ANKS4B: variants seen among roughly 807,000 people sequenced by gnomAD.
ANKS4B encodes the protein ankyrin repeat and sterile alpha motif domain containing 4B.
Under a neutral mutation model 20.2 loss-of-function variants are expected in ANKS4B, and 21 were observed. That is an observed-to-expected ratio of 1.04 (90% CI 0.74 to 1.50). The LOEUF is 1.50. ANKS4B is among the 40% of genes most tolerant of loss of function. The pLI, the probability that ANKS4B is intolerant of heterozygous loss-of-function variation, is 0.00. For synonymous variants in ANKS4B, 179 were observed against 194.5 expected, an observed-to-expected ratio of 0.92 and a Z score of 0.66; for missense variants, 473 against 494.6, an observed-to-expected ratio of 0.96 and a Z score of 0.41.
chr16:21,238,532 A>G (rs1279423077), intron 1 of ANKS4B, among the ~76,000 whole-genome samples: 1 of 152,072 alleles, frequency 6.6e-6, no homozygotes, highest in Admixed American at 6.6e-5. Flanking sequence ...GTGTGATTCT[A>G]ACTTTGAGGT....
chr16:21,250,947 TGAGA>T lies in ANKS4B; in HGVS notation c.*134_*137del, dbSNP rs1567228052. 8.8e-6 allele frequency: 12 copies of T among 1,357,624 alleles called. No homozygotes were observed. The highest frequency in any genetic ancestry group is 2.5e-5 in the Admixed American group (1 of 40,602). The allele number at this position is 1,357,624 out of a possible 1,614,324, so 84.1% of individuals were successfully genotyped here. On this transcript the variant is annotated 3_prime_UTR_variant, in exon 2 of 2. Coordinates refer to ENST00000311620, the MANE Select transcript of ANKS4B (RefSeq NM_145865.3). ...TTCTAGGGCATCGGAAATGCCTACC[TGAGA>T]GAGAGACCCAAACTTTACTCTGGGA...
At chr16:21,237,398 A>G (rs1356071819) in intron 1 of ANKS4B, among the ~76,000 whole-genome samples, 1 of 152,208 alleles carries the variant, frequency 6.6e-6, no homozygotes, top group Admixed American at 6.5e-5. Flanking sequence ...TTGTACTGCT[A>G]TAACAAAATA....
At chr16:21,243,540 T>A (rs758158236) in intron 1 of ANKS4B, among the ~76,000 whole-genome samples, 21 of 152,188 alleles carry the variant, frequency 1.4e-4, no homozygotes, top group Non-Finnish European at 2.8e-4. Flanking sequence ...TGGAAATGTG[T>A]CTGTAAGTAG....
chr16:21,235,245 A>G (rs1056812891), intron 1 of ANKS4B, among the ~76,000 whole-genome samples: 5 of 152,236 alleles, frequency 3.3e-5, no homozygotes, highest in African/African-American at 1.2e-4. Context: ...AGGGGAAAGC[A>G]TTTAAGCTGG....
chr16:21,249,838 T>C lies in ANKS4B; in HGVS notation c.272T>C (p.Ile91Thr), dbSNP rs1567227506. ...VSFLVNFGAN[I>T]FALDNDLQTP... Reference sequence around the variant, plus strand: ...TTCCTGGTCAACTTTGGTGCCAACATCTTTGCCCTGGATAATGACTTACAG... The same window carrying C: ...TTCCTGGTCAACTTTGGTGCCAACACCTTTGCCCTGGATAATGACTTACAG... The change falls in exon 2 of 2, where the codon ATC (isoleucine) becomes ACC (threonine). Residue 91 changes from isoleucine (I) to threonine (T), a missense_variant. Transcript: ENST00000311620. 6.2e-7 allele frequency: 1 copy of C among 1,614,186 alleles called. No homozygotes were observed. Among genetic ancestry groups the C allele is most frequent in the Non-Finnish European group, 8.5e-7 (1 of 1,180,036 alleles).
At chr16:21,242,779 G>A (rs1597605174) in intron 1 of ANKS4B, among the ~76,000 whole-genome samples, 1 of 152,226 alleles carries the variant, frequency 6.6e-6, no homozygotes, top group African/African-American at 2.4e-5. Flanking sequence ...AGTAAGTTTG[G>A]GAGGAACATT....
Position 21,250,786 on chromosome 16 carries a change from A to G in ANKS4B, c.1220A>G (p.Gln407Arg), listed in dbSNP as rs187201563. 6.5e-5 allele frequency: 104 copies of G among 1,599,982 alleles called. No homozygotes were observed. The African/African-American group carries it at 1.1e-3, about 17-fold the overall frequency. ...NAINRRKQVL[Q>R]QPGQLVDTSL Reference sequence around the variant, plus strand: ...ATCAACAGGAGGAAGCAGGTGCTTCAACAGCCTGGGCAGCTGGTCGACACC... The same window carrying G: ...ATCAACAGGAGGAAGCAGGTGCTTCGACAGCCTGGGCAGCTGGTCGACACC... The change falls in exon 2 of 2, where the codon CAA (glutamine) becomes CGA (arginine). Residue 407 changes from glutamine (Q) to arginine (R), a missense_variant. By Grantham distance (43) the Gln-to-Arg change is conservative. Coordinates refer to ENST00000311620, the MANE Select transcript of ANKS4B (RefSeq NM_145865.3).
intron 1 of ANKS4B, among the ~76,000 whole-genome samples, chr16:21,238,693 CTA>C (rs141035090): frequency 1.5e-3 from 230 of 152,260 alleles, no homozygotes; most frequent in African/African-American, 4.5e-3. Flanking sequence ...TTGTTATAGT[CTA>C]TCTCTTTCTC....
intron 1 of ANKS4B, among the ~76,000 whole-genome samples, chr16:21,235,956 A>G (rs1267096259): frequency 6.6e-6 from 1 of 152,192 alleles, no homozygotes; most frequent in African/African-American, 2.4e-5. Context: ...CTGAAAGTCT[A>G]CCTCATTCCA....
rs1442218461 is a variant in ANKS4B at position 21,250,236 on chromosome 16, A to G, written c.670A>G (p.Arg224Gly). 6.2e-7 allele frequency: 1 copy of G among 1,614,222 alleles called. No individual in the cohort carries two copies. Among genetic ancestry groups the G allele is most frequent in the Non-Finnish European group, 8.5e-7 (1 of 1,180,040 alleles). The change falls in exon 2 of 2, where the codon AGA (arginine) becomes GGA (glycine). Residue 224 changes from arginine (R) to glycine (G), a missense_variant. By Grantham distance (125) the Arg-to-Gly change is moderately radical. Coordinates refer to ENST00000311620, the MANE Select transcript of ANKS4B (RefSeq NM_145865.3). Reference protein sequence around the residue: ...DTAEQVGKEGRSGQRNVMEVF... With the variant: ...DTAEQVGKEGGSGQRNVMEVF... ...AGCAGAACAGGTGGGGAAGGAAGGC[A>G]GAAGTGGGCAGAGGAACGTGATGGA...
Position 21,250,735 on chromosome 16 carries a change from G to A in ANKS4B, c.1169G>A (p.Gly390Asp). 1.2e-6 allele frequency: 2 copies of A among 1,609,794 alleles called. No individual in the cohort carries two copies. The highest frequency in any genetic ancestry group is 1.7e-6 in the Non-Finnish European group (2 of 1,176,344). ...CTTCAGAGCATACAAATGCAGCTGG[G>A]TCCCAGGAAGAAAGTTCTGAATGCT... ...EDLQSIQMQL[G>D]PRKKVLNAIN... The change falls in exon 2 of 2, where the codon GGT (glycine) becomes GAT (aspartate). Residue 390 changes from glycine (G) to aspartate (D), a missense_variant. Physicochemically the swap from Gly to Asp is moderately conservative, Grantham distance 94. Transcript: ENST00000311620.
intron 1 of ANKS4B, among the ~76,000 whole-genome samples, chr16:21,237,455 C>T (rs2093321556): frequency 6.6e-6 from 1 of 152,162 alleles, no homozygotes; most frequent in Non-Finnish European, 1.5e-5. Flanking sequence ...TTTCTTACAG[C>T]TCTGGCAGCA....
intron 1 of ANKS4B, among the ~76,000 whole-genome samples, chr16:21,235,943 C>T (rs984038556): frequency 6.6e-6 from 1 of 152,242 alleles, no homozygotes; most frequent in Non-Finnish European, 1.5e-5. Flanking sequence ...CTTTCTCCAT[C>T]TACTGAAAGT....
chr16:21,251,729 CAG>C lies in ANKS4B; in HGVS notation c.*912_*913del, dbSNP rs2093339735. ...TAATACTCCTGCCTGAGAATAGAGA[CAG>C]AGTGGTGGTGGGGAGAGTGAAGAAA... On this transcript the variant is annotated 3_prime_UTR_variant, in exon 2 of 2. Transcript: ENST00000311620. The C allele has an allele frequency of 6.6e-6, 1 of 152,162 alleles. No individual in the cohort carries two copies. The highest frequency in any genetic ancestry group is 2.4e-5 in the African/African-American group (1 of 41,422). 9.4% of individuals were successfully genotyped at this position (152,162 alleles called of 1,614,324 possible). A position where few individuals can be genotyped will look rare whatever the true frequency, so the allele number is the denominator to read the frequency against.
intron 1 of ANKS4B, among the ~76,000 whole-genome samples, chr16:21,234,483 T>TACACACACACACACAC (rs34242527): frequency 1.6e-5 from 2 of 124,636 alleles, no homozygotes; most frequent in Non-Finnish European, 1.7e-5. Context: ...AGTGGATAGA[T>TACACACACACACACAC]ACACACACAC....
In ANKS4B at chr16:21,249,938, GA is replaced by G. The variant is rs1567227543; in HGVS notation, c.374del (p.Asn125ThrfsTer3). The G allele has an allele frequency of 6.2e-7, 1 of 1,614,206 alleles. No individual in the cohort carries two copies. Among genetic ancestry groups the G allele is most frequent in the East Asian group, 2.2e-5 (1 of 44,870 alleles). On this transcript the variant is annotated frameshift_variant, in exon 2 of 2. Coordinates refer to ENST00000311620, the MANE Select transcript of ANKS4B (RefSeq NM_145865.3). LOFTEE classifies it high-confidence loss of function. ...TCCTGGACAAGGCTGCCACTGCACA[GA>G]ACATCATGAACCCCAAGAAGGTCAC... ...ALLDKAATAQ[N>X]IMNPKKVTRL...
intron 1 of ANKS4B, among the ~76,000 whole-genome samples, chr16:21,248,454 G>A (rs1320803479): frequency 6.6e-6 from 1 of 151,952 alleles, no homozygotes; most frequent in East Asian, 1.9e-4. Context: ...TACAGGCTGG[G>A]CGTGGTGGCT....
In ANKS4B at chr16:21,233,874, AAGCCCTAGAGATAATC is replaced by A; in HGVS notation, c.138_153del (p.Glu46AspfsTer77). The A allele has an allele frequency of 6.2e-7, 1 of 1,613,698 alleles. No homozygotes were observed. Among genetic ancestry groups the A allele is most frequent in the Non-Finnish European group, 8.5e-7 (1 of 1,179,804 alleles). ...TTGGCAGCCTACCATGGGAACTTGG[AAGCCCTAGAGATAATC>A]TGCAGTAGAGGGTAAGTTCAACCCG... On this transcript the variant is annotated frameshift_variant, in exon 1 of 2. Transcript: ENST00000311620. LOFTEE classifies it high-confidence loss of function.
Position 21,250,119 on chromosome 16 carries a change from C to T in ANKS4B, c.553C>T (p.Pro185Ser). 1 of 1,614,188 alleles carries T rather than the reference C, an allele frequency of 6.2e-7. No homozygotes were observed. The highest frequency in any genetic ancestry group is 8.5e-7 in the Non-Finnish European group (1 of 1,180,032). The change falls in exon 2 of 2, where the codon CCT becomes TCT. Residue 185 changes from proline (P) to serine (S), a missense_variant. Transcript: ENST00000311620. ...CAAGGGTACCTTCTCCAGATCATCC[C>T]CTTCAAATGCTTCTGCTCCTGGCAC... ...SSKGTFSRSS[P>S]SNASAPGTFG...
Sources: gnomAD v4.1 joint callset for allele counts (sites outside exome capture counted in the v4.1 genomes callset) on GRCh38, gnomAD v4.1.1 for gene constraint, MANE v1.5 for transcripts, NCBI Gene and HGNC (gene_info 2026-07-23, HGNC 2026-07-21) for gene names.